Variants in RCAN2 observed in about 807,000 individuals in gnomAD.
The protein encoded by RCAN2 is calcipressin-2.
A neutral mutation model predicts 23.6 loss-of-function variants in RCAN2; 9 were observed. The observed-to-expected ratio is 0.38, with a 90% CI of 0.23 to 0.67. RCAN2 has a LOEUF of 0.67. Ranked by LOEUF, RCAN2 falls within the 30% of genes least tolerant of loss-of-function variation. The pLI is 0.51. For synonymous variants in RCAN2, 109 were observed against 115.7 expected, an observed-to-expected ratio of 0.94 and a Z score of 0.37; for missense variants, 273 against 302.3, an observed-to-expected ratio of 0.90 and a Z score of 0.72.
intron 2 of RCAN2, among the ~76,000 whole-genome samples, chr6:46,401,731 T>C (rs1468338601): frequency 6.6e-6 from 1 of 152,214 alleles, no homozygotes; most frequent in African/African-American, 2.4e-5. Context: ...TCTTTAGTTA[T>C]GTGGCAAACT....
chr6:46,269,336 A>T (rs1767446186), intron 2 of RCAN2, among the ~76,000 whole-genome samples: 1 of 152,154 alleles, frequency 6.6e-6, no homozygotes. Context: ...AAATTTTCCA[A>T]TAAATTTTGC....
chr6:46,387,643 A>G (rs1042059516), intron 2 of RCAN2, among the ~76,000 whole-genome samples: 9 of 152,232 alleles, frequency 5.9e-5, no homozygotes, highest in Non-Finnish European at 1.2e-4. Flanking sequence ...GAACACTTTT[A>G]CACTGTTGAT....
At chr6:46,431,684 A>G (rs1416721067) in intron 2 of RCAN2, among the ~76,000 whole-genome samples, 1 of 152,288 alleles carries the variant, frequency 6.6e-6, no homozygotes, top group East Asian at 1.9e-4. Flanking sequence ...ACAACAAAAC[A>G]TTTATTGGCT....
intron 1 of RCAN2, among the ~76,000 whole-genome samples, chr6:46,464,856 T>C (rs1197162730): frequency 1.3e-5 from 2 of 151,394 alleles, no homozygotes; most frequent in East Asian, 1.9e-4. Context: ...CAATGGGCAA[T>C]AATTCAATTA....
intron 2 of RCAN2, among the ~76,000 whole-genome samples, chr6:46,343,886 A>C (rs1349390799): frequency 2.0e-5 from 3 of 152,246 alleles, no homozygotes; most frequent in African/African-American, 7.2e-5. Flanking sequence ...ATCAAAATGC[A>C]GTTTATTCAT....
intron 2 of RCAN2, among the ~76,000 whole-genome samples, chr6:46,393,222 A>G (rs1407653307): frequency 6.6e-6 from 1 of 152,160 alleles, no homozygotes; most frequent in African/African-American, 2.4e-5. Context: ...AAAGTTTAGG[A>G]TACTTTTGTG....
chr6:46,328,519 C>T (rs546033559), intron 2 of RCAN2, among the ~76,000 whole-genome samples: 1 of 152,306 alleles, frequency 6.6e-6, no homozygotes, highest in East Asian at 1.9e-4. Context: ...TTTTAATAGT[C>T]ATTCGTCTAT....
intron 4 of RCAN2, among the ~76,000 whole-genome samples, chr6:46,238,172 G>A (rs1766173876): frequency 6.6e-6 from 1 of 152,194 alleles, no homozygotes; most frequent in African/African-American, 2.4e-5. Flanking sequence ...GAAAAAAAGT[G>A]TGTGTGTGTC....
chr6:46,471,030 T>C (rs1768542065), intron 1 of RCAN2, among the ~76,000 whole-genome samples: 1 of 152,212 alleles, frequency 6.6e-6, no homozygotes, highest in Non-Finnish European at 1.5e-5. Context: ...ATTTGCTATT[T>C]TATACACTTT....
At chr6:46,412,132 G>A (rs1216595981) in intron 2 of RCAN2, among the ~76,000 whole-genome samples, 1 of 152,094 alleles carries the variant, frequency 6.6e-6, no homozygotes, top group African/African-American at 2.4e-5. Context: ...TTTGATCCAG[G>A]ATTTATGAGG....
At chr6:46,312,266 A>G (rs888967004) in intron 2 of RCAN2, among the ~76,000 whole-genome samples, 4 of 152,320 alleles carry the variant, frequency 2.6e-5, no homozygotes, top group South Asian at 2.1e-4. Flanking sequence ...TTTAGCCCCT[A>G]TGAAAATATT....
intron 2 of RCAN2, among the ~76,000 whole-genome samples, chr6:46,261,659 C>A (rs1767113051): frequency 6.6e-6 from 1 of 152,114 alleles, no homozygotes; most frequent in Admixed American, 6.6e-5. Context: ...TGTATATAAT[C>A]TTCAAAGATT....
At chr6:46,258,764 T>C (rs1207249364) in intron 2 of RCAN2, among the ~76,000 whole-genome samples, 2 of 152,198 alleles carry the variant, frequency 1.3e-5, no homozygotes, top group Non-Finnish European at 2.9e-5. Context: ...TAGTTTTCTT[T>C]AGTTAAGGAA....
At chr6:46,395,574 A>C (rs568666653) in intron 2 of RCAN2, among the ~76,000 whole-genome samples, 3 of 152,364 alleles carry the variant, frequency 2.0e-5, no homozygotes, top group South Asian at 4.1e-4. Context: ...CTAATATGTC[A>C]GATTGTTTCA....
chr6:46,491,035 C>T (rs1331818275), intron 1 of RCAN2, 138 bp downstream of exon 1: 3 of 149,880 alleles, frequency 2.0e-5, no homozygotes, highest in African/African-American at 7.3e-5. Context: ...GCCCCCGCCC[C>T]CGCCCCCGCC....
chr6:46,454,764 TA>T (rs1767972165), intron 2 of RCAN2, among the ~76,000 whole-genome samples: 1 of 152,244 alleles, frequency 6.6e-6, no homozygotes. Flanking sequence ...ACAAACTTCG[TA>T]TACACATTAG....
chr6:46,270,914 A>G (rs1767503100), intron 2 of RCAN2, among the ~76,000 whole-genome samples: 1 of 152,196 alleles, frequency 6.6e-6, no homozygotes, highest in Non-Finnish European at 1.5e-5. Context: ...TTCCTTCCCC[A>G]GTCAAACCTT....
intron 2 of RCAN2, among the ~76,000 whole-genome samples, chr6:46,333,018 G>A (rs1266620424): frequency 6.6e-6 from 1 of 152,160 alleles, no homozygotes; most frequent in Non-Finnish European, 1.5e-5. Context: ...GTGTGAGATG[G>A]TATCTCATTG....
At chr6:46,256,743 T>C (rs1766930321) in intron 2 of RCAN2, among the ~76,000 whole-genome samples, 1 of 152,062 alleles carries the variant, frequency 6.6e-6, no homozygotes, top group Non-Finnish European at 1.5e-5. Flanking sequence ...AGATATATTA[T>C]GGCAAAATAA....
Sources: allele counts gnomAD v4.1 joint callset (sites outside exome capture counted in the v4.1 genomes callset), GRCh38; gene constraint gnomAD v4.1.1; transcripts MANE v1.5; gene names NCBI Gene and HGNC (gene_info 2026-07-23, HGNC 2026-07-21).